LRRFIP1: variants seen among roughly 807,000 people sequenced by gnomAD.
LRRFIP1 encodes the protein leucine-rich repeat flightless-interacting protein 1.
In LRRFIP1, 62 loss-of-function variants were observed where a neutral mutation model predicts 104.4. The observed-to-expected ratio is 0.59, with a 90% CI of 0.48 to 0.73. The LOEUF is 0.73. LRRFIP1 is among the 30% of genes least tolerant of loss of function. LRRFIP1 has a pLI of 0.00. For synonymous variants in LRRFIP1, 300 were observed against 299.0 expected, an observed-to-expected ratio of 1.00 and a Z score of -0.03; for missense variants, 796 against 824.5, an observed-to-expected ratio of 0.97 and a Z score of 0.42.
intron 18 of LRRFIP1, 30 bp from the exon 19 acceptor site, chr2:237,760,034 A>G (rs749568443): frequency 6.2e-7 from 1 of 1,606,732 alleles, no homozygotes. Context: ...CACTGAGTAA[A>G]TATTACGATG....
chr2:237,692,208 C>G, intron 1 of LRRFIP1: 2 of 1,074,926 alleles, frequency 1.9e-6, no homozygotes. Context: ...CCCCGGCGCC[C>G]TTCCACCCCG....
At chr2:237,675,858 T>C (rs1245078982) in intron 1 of LRRFIP1, among the ~76,000 whole-genome samples, 1 of 152,276 alleles carries the variant, frequency 6.6e-6, no homozygotes, top group African/African-American at 2.4e-5. Flanking sequence ...GCATTTCCAA[T>C]TCTACTTCAT....
In LRRFIP1 at chr2:237,749,302, A is replaced by G; in HGVS notation, c.773A>G (p.Glu258Gly). The G allele has an allele frequency of 6.2e-7, 1 of 1,613,808 alleles. No individual in the cohort carries two copies. The highest frequency in any genetic ancestry group is 8.5e-7 in the Non-Finnish European group (1 of 1,179,978). Residue 258 changes from glutamate (E) to glycine (G), a missense_variant, in exon 13 of 24, where the codon GAG becomes GGG. Transcript: ENST00000308482. Reference sequence around the variant, plus strand: ...GACACCTCCATCTCCATCGACACCGAGGCATCCATCAGGGAAATCAAGGTG... The same window carrying G: ...GACACCTCCATCTCCATCGACACCGGGGCATCCATCAGGGAAATCAAGGTG... ...SGDTSISIDT[E>G]ASIREIKELN...
chr2:237,749,123 A>T (rs2058260214), intron 12 of LRRFIP1, 76 bp from the exon 13 acceptor site: 3 of 1,485,606 alleles, frequency 2.0e-6, no homozygotes, highest in Non-Finnish European at 1.8e-6. Flanking sequence ...GATTATGGGG[A>T]TTACAATTCC....
intron 1 of LRRFIP1, among the ~76,000 whole-genome samples, chr2:237,688,772 C>T (rs906495602): frequency 1.3e-5 from 2 of 151,902 alleles, no homozygotes; most frequent in African/African-American, 4.8e-5. Flanking sequence ...GATGCACCCT[C>T]TTCCGAGGAA....
rs543948419 is a variant in LRRFIP1, at chr2:237,711,959, G to A, written c.184-2300G>A. 5.3e-5 allele frequency among the ~76,000 whole-genome samples: 8 copies of A among 152,314 alleles called. No homozygotes were observed. Among genetic ancestry groups the A allele is most frequent in the South Asian group, 2.1e-4 (1 of 4,828 alleles). ...CATGAATTTCGGGTCTTTGCAAGGC[G>A]GCAGCATTCCTGTTTAAAGTTTATG... is the stretch of plus-strand genomic sequence containing the variant. On this transcript the variant is annotated intron_variant, in intron 2 of 23. Transcript: ENST00000308482. The surrounding 1 kb of genome is among the most constrained non-coding windows in gnomAD (Gnocchi z 4.4).
intron 11 of LRRFIP1, among the ~76,000 whole-genome samples, chr2:237,747,029 A>G (rs2057964560): frequency 6.6e-6 from 1 of 152,180 alleles, no homozygotes; most frequent in Non-Finnish European, 1.5e-5. Flanking sequence ...GAGAGTAGAA[A>G]GTTTATTTTT....
chr2:237,701,538 G>GC (rs1313403403), intron 1 of LRRFIP1, among the ~76,000 whole-genome samples: 2 of 152,224 alleles, frequency 1.3e-5, no homozygotes, highest in South Asian at 2.1e-4. Context: ...CTTGGCCTGA[G>GC]CCCCCAGCCT....
intron 20 of LRRFIP1, chr2:237,770,419 C>T (rs1322364092): frequency 1.2e-5 from 2 of 168,452 alleles, no homozygotes; most frequent in East Asian, 1.6e-4. Flanking sequence ...GTGATCAGCA[C>T]CCCTCTCTCA....
At chr2:237,641,039 A>G (rs932516975) in intron 1 of LRRFIP1, among the ~76,000 whole-genome samples, 2 of 152,088 alleles carry the variant, frequency 1.3e-5, no homozygotes, top group Non-Finnish European at 2.9e-5. Flanking sequence ...ACCCACATAC[A>G]CTGTCCCTCT....
intron 15 of LRRFIP1, 66 bp from the exon 16 acceptor site, chr2:237,756,029 G>A: frequency 3.0e-6 from 3 of 995,674 alleles, no homozygotes; most frequent in South Asian, 1.4e-5. Context: ...TAAATCGTGA[G>A]AGCCTGAACT....
intron 9 of LRRFIP1, 39 bp downstream of exon 9, chr2:237,733,857 C>T: frequency 6.2e-7 from 1 of 1,610,948 alleles, no homozygotes; most frequent in Non-Finnish European, 8.5e-7. Context: ...GCACCCCCTC[C>T]CACTGTGCAT....
At chr2:237,715,750 C>T (rs1249021146) in intron 3 of LRRFIP1, among the ~76,000 whole-genome samples, 2 of 152,232 alleles carry the variant, frequency 1.3e-5, no homozygotes, top group Admixed American at 1.3e-4. Context: ...CTGAAAGTAG[C>T]GCGGCTCCTG....
chr2:237,758,878 A>T (rs2059577750), intron 18 of LRRFIP1, 57 bp downstream of exon 18: 3 of 1,335,578 alleles, frequency 2.2e-6, no homozygotes, highest in African/African-American at 1.5e-5. Flanking sequence ...CCAGGTGACA[A>T]CAGCAAATTT....
At chr2:237,727,100 G>A (rs2094784567) in intron 7 of LRRFIP1, among the ~76,000 whole-genome samples, 1 of 152,202 alleles carries the variant, frequency 6.6e-6, no homozygotes, top group Non-Finnish European at 1.5e-5. Context: ...GCTCACGCCT[G>A]TAATCCCAGC....
At position 237,774,452 on chromosome 2, in the gene LRRFIP1, T is replaced by C; in HGVS notation, c.1802T>C (p.Leu601Pro). 6.2e-7 allele frequency: 1 copy of C among 1,609,904 alleles called. No individual in the cohort carries two copies. The highest frequency in any genetic ancestry group is 8.5e-7 in the Non-Finnish European group (1 of 1,176,966). Residue 601 changes from leucine to proline, a missense_variant, in exon 23 of 24, where the codon CTC (leucine) becomes CCC (proline). Physicochemically the swap from Leu to Pro is moderately conservative, Grantham distance 98. Transcript: ENST00000308482. ...GAACTTAAGGCAGAAAAACGGAAACTCCAAAGAGAGGTAAATTTCCTAGGC... is the reference window on the plus strand; with the variant it reads ...GAACTTAAGGCAGAAAAACGGAAACCCCAAAGAGAGGTAAATTTCCTAGGC... ...EDELKAEKRK[L>P]QRELRSALDK...
At chr2:237,731,411 C>T (rs1001650726) in intron 8 of LRRFIP1, among the ~76,000 whole-genome samples, 10 of 151,976 alleles carry the variant, frequency 6.6e-5, no homozygotes, top group Admixed American at 2.0e-4. Context: ...TCCATGGCGC[C>T]CACTGCTTGC....
At chr2:237,675,507 CAG>C (rs1220913265) in intron 1 of LRRFIP1, among the ~76,000 whole-genome samples, 2 of 152,160 alleles carry the variant, frequency 1.3e-5, no homozygotes, top group Non-Finnish European at 2.9e-5. Context: ...TACCAAAAAA[CAG>C]AGAGCTGAGA....
rs200342438 is a variant in LRRFIP1, at chr2:237,667,085, C to T, written c.96+39345C>T. ...TGCAGGTTTGTTACATAGGTCTACA[C>T]GTGCCACGGTGGTTTGCTGCACCTG... On this transcript the variant is annotated intron_variant, in intron 1 of 23. Transcript: ENST00000308482. Among the ~76,000 whole-genome samples, 14 of 152,000 alleles carry T rather than the reference C, an allele frequency of 9.2e-5. No individual in the cohort carries two copies. The East Asian group carries it at 2.1e-3, about 23-fold the overall frequency.
Sources: gnomAD v4.1 joint callset for allele counts (sites outside exome capture counted in the v4.1 genomes callset) on GRCh38, gnomAD v4.1.1 for gene constraint, Gnocchi (gnomAD v3.1) non-coding constraint, MANE v1.5 for transcripts, NCBI Gene and HGNC (gene_info 2026-07-23, HGNC 2026-07-21) for gene names.